Variants in TIMP2 observed in about 807,000 individuals in gnomAD.
The protein encoded by TIMP2 is metalloproteinase inhibitor 2.
Under a neutral mutation model 24.3 loss-of-function variants are expected in TIMP2, and 5 were observed. That is an observed-to-expected ratio of 0.21 (90% CI 0.11 to 0.43). The LOEUF (loss-of-function observed/expected upper bound fraction) is 0.43. TIMP2 is among the 20% of genes least tolerant of loss of function. The pLI, the probability that TIMP2 is intolerant of heterozygous loss-of-function variation, is 1.00. For missense variants in TIMP2, 221 were observed against 297.5 expected, an observed-to-expected ratio of 0.74 and a Z score of 1.89; for synonymous variants, 130 against 123.2, an observed-to-expected ratio of 1.06 and a Z score of -0.37.
chr17:78,889,672 C>G (rs183699667), intron 1 of TIMP2, among the ~76,000 whole-genome samples: 1 of 152,192 alleles, frequency 6.6e-6, no homozygotes, highest in East Asian at 1.9e-4. Context: ...GTGCCTGTGG[C>G]CCCTGAAAAC....
intron 3 of TIMP2, among the ~76,000 whole-genome samples, chr17:78,870,454 T>C (rs1217885544): frequency 6.8e-6 from 1 of 146,696 alleles, no homozygotes; most frequent in Non-Finnish European, 1.5e-5. Context: ...AGAAAGAAAA[T>C]GGTTAATTAA....
At chr17:78,871,913 C>G (rs1334673672) in intron 2 of TIMP2, among the ~76,000 whole-genome samples, 1 of 152,076 alleles carries the variant, frequency 6.6e-6, no homozygotes, top group African/African-American at 2.4e-5. Flanking sequence ...CCTCACCCCC[C>G]ACCCCAAAGA....
At chr17:78,897,010 G>T in intron 1 of TIMP2, 1 of 985,298 alleles carries the variant, frequency 1.0e-6, no homozygotes, top group Non-Finnish European at 1.2e-6. Context: ...CTGGGCGGCC[G>T]CTCAGACAGC....
chr17:78,892,472 G>T (rs1466140934), intron 1 of TIMP2: 1 of 1,539,566 alleles, frequency 6.5e-7, no homozygotes, highest in East Asian at 2.5e-5. Context: ...ACGAGGAAGG[G>T]AGCACAAGTG....
In TIMP2 at chr17:78,891,900, C is replaced by G; in HGVS notation, c.131-17981G>C. ...GTGGCTTTTGTAGTCTGTGGTTTCT[C>G]TGGACTCGCTGCTGTCTTCCGGGGC... On this transcript the variant is annotated intron_variant, in intron 1 of 4. Coordinates refer to ENST00000262768, the MANE Select transcript of TIMP2 (RefSeq NM_003255.5). The surrounding 1 kb of genome is among the most constrained non-coding windows in gnomAD (Gnocchi z 4.5). The G allele has an allele frequency of 1.3e-6, 2 of 1,550,608 alleles. No individual in the cohort carries two copies. The highest frequency in any genetic ancestry group is 1.2e-5 in the South Asian group (1 of 84,064).
At chr17:78,878,949 C>T (rs139250733) in intron 1 of TIMP2, among the ~76,000 whole-genome samples, 2 of 152,324 alleles carry the variant, frequency 1.3e-5, no homozygotes, top group Non-Finnish European at 2.9e-5. Flanking sequence ...GGACCAGTTC[C>T]ACGGCAACCT....
rs1280463388 is a variant in TIMP2, at chr17:78,896,405, T to C, written c.131-22486A>G. ...CTCTCCAGCCCTGCCAGACAGGACG[T>C]CGGGTGCCCTTGGCAGGACACTTGC... On this transcript the variant is annotated intron_variant, in intron 1 of 4. Coordinates refer to ENST00000262768, the MANE Select transcript of TIMP2 (RefSeq NM_003255.5). The surrounding 1 kb of genome is among the most constrained non-coding windows in gnomAD (Gnocchi z 4.4). 6.6e-6 allele frequency among the ~76,000 whole-genome samples: 1 copy of C among 152,150 alleles called. No individual in the cohort carries two copies. Among genetic ancestry groups the C allele is most frequent in the African/African-American group, 2.4e-5 (1 of 41,430 alleles).
intron 3 of TIMP2, among the ~76,000 whole-genome samples, chr17:78,863,573 AT>A (rs2069584702): frequency 6.6e-6 from 1 of 152,046 alleles, no homozygotes; most frequent in Non-Finnish European, 1.5e-5. Context: ...GCTCTTCAAA[AT>A]CTTTCAATGT....
At chr17:78,863,329 G>A (rs913045096) in intron 3 of TIMP2, among the ~76,000 whole-genome samples, 9 of 152,084 alleles carry the variant, frequency 5.9e-5, no homozygotes, top group African/African-American at 1.4e-4. Context: ...TGCAACTTCC[G>A]CCTCCCGGGT....
intron 1 of TIMP2, among the ~76,000 whole-genome samples, chr17:78,885,352 C>T (rs144457832): frequency 2.4e-4 from 37 of 152,342 alleles, no homozygotes; most frequent in Middle Eastern, 3.4e-3. Context: ...GAGAACCGTG[C>T]GGGGTACCTG....
intron 1 of TIMP2, among the ~76,000 whole-genome samples, chr17:78,882,761 A>G (rs762868360): frequency 9.2e-5 from 14 of 152,224 alleles, no homozygotes; most frequent in South Asian, 2.1e-4. Flanking sequence ...GCCTCTCCCA[A>G]CGGAACTGCC....
chr17:78,875,893 C>G (rs932243395), intron 1 of TIMP2, among the ~76,000 whole-genome samples: 1 of 152,208 alleles, frequency 6.6e-6, no homozygotes, highest in African/African-American at 2.4e-5. Flanking sequence ...AGTCCCACAC[C>G]ACAGCCCCAC....
chr17:78,854,171 G>A lies in TIMP2; in HGVS notation c.*1496C>T, dbSNP rs978871228. ...GAAGCATTTTGCAAGACCACGCCCA[G>A]GCCGCCAAGCTTCGGTTTCATTGCG... is the stretch of plus-strand genomic sequence containing the variant. On this transcript the variant is annotated 3_prime_UTR_variant, in exon 5 of 5. Transcript: ENST00000262768. 7 of 152,120 alleles carry A rather than the reference G, an allele frequency of 4.6e-5. No individual in the cohort carries two copies. Among genetic ancestry groups the A allele is most frequent in the Non-Finnish European group, 7.3e-5 (5 of 68,050 alleles). The allele number at this position is 152,120 out of a possible 1,614,324, so 9.4% of individuals were successfully genotyped here. A position where few individuals can be genotyped will look rare whatever the true frequency, so the allele number is the denominator to read the frequency against.
At chr17:78,895,307 C>T (rs1047044122) in intron 1 of TIMP2, among the ~76,000 whole-genome samples, 5 of 152,034 alleles carry the variant, frequency 3.3e-5, no homozygotes, top group Admixed American at 6.6e-5. Flanking sequence ...AAATAAAAAT[C>T]AGCAACAGAT....
At chr17:78,905,919 CATA>C in intron 1 of TIMP2, among the ~76,000 whole-genome samples, 1 of 152,320 alleles carries the variant, frequency 6.6e-6, no homozygotes. Context: ...CCCACAGAAT[CATA>C]ATAAAGTGAA....
At chr17:78,890,167 G>A (rs973805216) in intron 1 of TIMP2, among the ~76,000 whole-genome samples, 8 of 151,582 alleles carry the variant, frequency 5.3e-5, no homozygotes, top group African/African-American at 1.7e-4. Flanking sequence ...TCCCTGTGAG[G>A]GAATGTGCCC....
At chr17:78,894,922 T>G (rs1317750569) in intron 1 of TIMP2, among the ~76,000 whole-genome samples, 1 of 152,166 alleles carries the variant, frequency 6.6e-6, no homozygotes, top group Non-Finnish European at 1.5e-5. Flanking sequence ...AACAGAAGAC[T>G]TGAATCCAGA....
chr17:78,879,786 A>G (rs1198076732), intron 1 of TIMP2, among the ~76,000 whole-genome samples: 1 of 152,166 alleles, frequency 6.6e-6, no homozygotes, highest in Non-Finnish European at 1.5e-5. Context: ...ACTGGAATGT[A>G]CAACCGTCGG....
chr17:78,916,916 A>G (rs2070263594), intron 1 of TIMP2, among the ~76,000 whole-genome samples: 1 of 151,992 alleles, frequency 6.6e-6, no homozygotes, highest in African/African-American at 2.4e-5. Context: ...GATAAGATCC[A>G]CCCCTCAGGG....
Sources: allele counts gnomAD v4.1 joint callset (sites outside exome capture counted in the v4.1 genomes callset), GRCh38; gene constraint gnomAD v4.1.1; non-coding constraint Gnocchi (gnomAD v3.1); transcripts MANE v1.5; gene names NCBI Gene and HGNC (gene_info 2026-07-23, HGNC 2026-07-21).